The following HYDIN variants were observed in gnomAD, a reference collection of about 807,000 sequenced individuals.
HYDIN encodes the protein HYDIN axonemal central pair apparatus protein, also known as axonemal central pair apparatus protein HYDIN.
Under a neutral mutation model 403.9 loss-of-function variants are expected in HYDIN, and 132 were observed. The ratio of observed to expected loss-of-function variants is 0.33; its 90% CI spans 0.28 to 0.38. The LOEUF is 0.38. Among genes scored for constraint, HYDIN ranks in the 10% least tolerant of loss-of-function variants. HYDIN has a pLI of 1.00. For synonymous variants in HYDIN, 1,202 were observed against 1,891.7 expected (o/e 0.64, Z 9.46); for missense variants, 2,827 against 5,009.5 (o/e 0.56, Z 13.15).
At chr16:71,225,107 C>A (rs1220775540) in intron 1 of HYDIN, among the ~76,000 whole-genome samples, 1 of 152,164 alleles carries the variant, frequency 6.6e-6, no homozygotes, top group Non-Finnish European at 1.5e-5. Context: ...GGGCCAGATT[C>A]CCCTATGGGT....
At chr16:71,077,776 T>C (rs952657971) in intron 13 of HYDIN, among the ~76,000 whole-genome samples, 13 of 151,720 alleles carry the variant, frequency 8.6e-5, no homozygotes, top group Admixed American at 7.9e-4. Context: ...TTACTAAATA[T>C]ACATTACTAA....
chr16:71,075,116 G>A (rs1202952365), intron 13 of HYDIN, among the ~76,000 whole-genome samples: 1 of 149,062 alleles, frequency 6.7e-6, no homozygotes, highest in Non-Finnish European at 1.5e-5. Flanking sequence ...GGTTTTGAAG[G>A]TGGATTAAGT....
chr16:71,080,176 A>C (rs1405115965), intron 12 of HYDIN: 2 of 356,744 alleles, frequency 5.6e-6, no homozygotes, highest in Non-Finnish European at 1.0e-5. Context: ...GCTGTGGTTA[A>C]CTTATTATCT....
At chr16:70,911,775 T>C (rs1369828283) in intron 47 of HYDIN, among the ~76,000 whole-genome samples, 11 of 151,978 alleles carry the variant, frequency 7.2e-5, no homozygotes, top group Non-Finnish European at 1.2e-4. Context: ...GTGTCATCTA[T>C]GATTTCTTTC....
At chr16:70,901,907 C>A (rs1419620950) in intron 52 of HYDIN, among the ~76,000 whole-genome samples, 2 of 152,118 alleles carry the variant, frequency 1.3e-5, no homozygotes, top group Non-Finnish European at 2.9e-5. Context: ...TTAAAAATTG[C>A]AGTTTCTCTT....
chr16:71,060,136 G>C (rs1260332922), intron 18 of HYDIN, among the ~76,000 whole-genome samples: 1 of 151,454 alleles, frequency 6.6e-6, no homozygotes, highest in Non-Finnish European at 1.5e-5. Flanking sequence ...CTGGGGCTGG[G>C]CTTAGGTACA....
chr16:70,860,401 A>G (rs912628735), intron 70 of HYDIN, among the ~76,000 whole-genome samples, 195 bp from the exon 71 acceptor site: 1 of 143,920 alleles, frequency 6.9e-6, no homozygotes, highest in Non-Finnish European at 1.5e-5. Flanking sequence ...GGACTTTGGA[A>G]TAACAATGCT....
chr16:71,226,261 C>G (rs1322735579), intron 1 of HYDIN, among the ~76,000 whole-genome samples: 1 of 152,142 alleles, frequency 6.6e-6, no homozygotes, highest in African/African-American at 2.4e-5. Flanking sequence ...TATTCTGTTA[C>G]ATTGATAAAT....
intron 41 of HYDIN, among the ~76,000 whole-genome samples, chr16:70,946,812 C>G (rs1264291468): frequency 2.0e-5 from 3 of 151,974 alleles, no homozygotes; most frequent in Admixed American, 6.6e-5. Flanking sequence ...GCTGAGGAGG[C>G]CATGAAATTG....
chr16:70,877,849 A>G (rs975597422), intron 62 of HYDIN, among the ~76,000 whole-genome samples: 6 of 152,180 alleles, frequency 3.9e-5, no homozygotes, highest in Non-Finnish European at 8.8e-5. Context: ...ATACAGTGGA[A>G]TAATATCTCC....
chr16:71,227,131 GTATA>G (rs575617760), intron 1 of HYDIN, among the ~76,000 whole-genome samples: 1 of 150,436 alleles, frequency 6.6e-6, no homozygotes, highest in Non-Finnish European at 1.5e-5. Context: ...ATATATATAT[GTATA>G]TATATATGTG....
chr16:71,009,047 C>T (rs2079986644), intron 23 of HYDIN, among the ~76,000 whole-genome samples: 1 of 139,644 alleles, frequency 7.2e-6, no homozygotes, highest in Admixed American at 7.7e-5. Context: ...TGACATTCAG[C>T]CTGGCTCAGG....
At chr16:70,849,344 T>C (rs1267072006) in intron 75 of HYDIN, among the ~76,000 whole-genome samples, 1 of 152,054 alleles carries the variant, frequency 6.6e-6, no homozygotes, top group Admixed American at 6.6e-5. Context: ...TTTTTTCCAG[T>C]GGTCTCATTG....
At chr16:70,978,767 C>G (rs1213320664) in intron 30 of HYDIN, 147 bp downstream of exon 30, 1 of 814,888 alleles carries the variant, frequency 1.2e-6, no homozygotes, top group African/African-American at 1.7e-5. Flanking sequence ...GAGACCATGT[C>G]CTTGCCCCTG....
At chr16:70,985,502 T>C (rs979345581) in intron 27 of HYDIN, among the ~76,000 whole-genome samples, 180 bp from the exon 28 acceptor site, 2 of 152,166 alleles carry the variant, frequency 1.3e-5, no homozygotes, top group African/African-American at 4.8e-5. Flanking sequence ...AACCTGGCTC[T>C]TAGTTCTTCT....
chr16:71,014,168 G>A (rs377647170), intron 23 of HYDIN, among the ~76,000 whole-genome samples: 83 of 146,782 alleles, frequency 5.7e-4, no homozygotes, highest in Admixed American at 1.4e-3. Flanking sequence ...GCTGCTAAGC[G>A]TTACCTTTCT....
At chr16:70,990,173 A>C (rs1192831018) in intron 25 of HYDIN, among the ~76,000 whole-genome samples, 7 of 151,760 alleles carry the variant, frequency 4.6e-5, no homozygotes, top group African/African-American at 1.5e-4. Flanking sequence ...AGGCAGGTGG[A>C]TTGCCTGAGC....
At chr16:71,198,555 T>C (rs1277823621) in intron 1 of HYDIN, among the ~76,000 whole-genome samples, 3 of 152,188 alleles carry the variant, frequency 2.0e-5, no homozygotes, top group Non-Finnish European at 2.9e-5. Flanking sequence ...TCTGTTCTAC[T>C]AGCCCCCCGC....
intron 2 of HYDIN, among the ~76,000 whole-genome samples, chr16:71,186,260 T>C (rs1375705390): frequency 1.3e-5 from 2 of 152,270 alleles, no homozygotes; most frequent in Middle Eastern, 3.4e-3. Flanking sequence ...CCAATCATTA[T>C]AAATAATTAA....
Sources: allele counts gnomAD v4.1 joint callset (sites outside exome capture counted in the v4.1 genomes callset), GRCh38; gene constraint gnomAD v4.1.1; transcripts MANE v1.5; gene names NCBI Gene and HGNC (gene_info 2026-07-23, HGNC 2026-07-21).